CCSER1: variants seen among roughly 807,000 people sequenced by gnomAD.
CCSER1 encodes the protein serine-rich coiled-coil domain-containing protein 1.
In CCSER1, 41 loss-of-function variants were observed where a neutral mutation model predicts 82.0. That is an observed-to-expected ratio of 0.50 (90% confidence interval 0.39 to 0.65). The LOEUF is 0.65. Among genes scored for constraint, CCSER1 ranks in the 30% least tolerant of loss-of-function variants. The pLI, the probability that CCSER1 is intolerant of heterozygous loss-of-function variation, is 0.00. For synonymous variants in CCSER1, 414 were observed against 383.9 expected (o/e 1.08, Z -0.92); for missense variants, 1,119 against 1,064.2 (o/e 1.05, Z -0.72).
chr4:90,180,628 C>T (rs184872832), intron 1 of CCSER1, among the ~76,000 whole-genome samples: 2 of 152,022 alleles, frequency 1.3e-5, no homozygotes, highest in Non-Finnish European at 2.9e-5. Flanking sequence ...TAAAACTCTT[C>T]CCTCTGTGAC....
chr4:91,163,712 T>C (rs903499470), intron 10 of CCSER1, among the ~76,000 whole-genome samples: 1 of 152,186 alleles, frequency 6.6e-6, no homozygotes, highest in Non-Finnish European at 1.5e-5. Flanking sequence ...TTTTGATCTT[T>C]GTTGGTTTAA....
At chr4:90,974,339 CATATCTCAAAACATTACATT>C (rs1311104277) in intron 9 of CCSER1, among the ~76,000 whole-genome samples, 3,135 of 150,862 alleles carry the variant, frequency 0.021, 123 homozygotes, top group African/African-American at 0.068. Flanking sequence ...ACATTGTATA[CATATCTCAAAACATTACATT>C]GTATACATAT....
chr4:90,147,142 A>G (rs28433388), intron 1 of CCSER1, among the ~76,000 whole-genome samples: 1 of 150,586 alleles, frequency 6.6e-6, no homozygotes, highest in African/African-American at 2.4e-5. Context: ...AATGCTTTCC[A>G]TGTGTAAGAC....
rs570814597 is a variant in CCSER1 at position 90,362,910 on chromosome 4, A to G, written c.1510-37126A>G. On this transcript the variant is annotated intron_variant, in intron 3 of 10. Transcript: ENST00000509176. ...TTGTGTGAGTACATTTATTTTGTCA[A>G]TCTGTAGACTTACAGATTTGCTCTT... Among the ~76,000 whole-genome samples, 499 of 152,248 alleles carry G rather than the reference A, an allele frequency of 3.3e-3. 5 individuals carry two copies. Among genetic ancestry groups the G allele is most frequent in the Middle Eastern group, 0.014 (4 of 294 alleles).
chr4:91,504,677 T>C (rs1159916172), intron 10 of CCSER1, among the ~76,000 whole-genome samples: 1 of 151,952 alleles, frequency 6.6e-6, no homozygotes, highest in Non-Finnish European at 1.5e-5. Flanking sequence ...CACATTTTTA[T>C]TTCAAAAGTC....
chr4:90,894,159 T>C (rs1438373198), intron 8 of CCSER1, among the ~76,000 whole-genome samples: 1 of 152,056 alleles, frequency 6.6e-6, no homozygotes, highest in Non-Finnish European at 1.5e-5. Flanking sequence ...AATGCACCAA[T>C]TTAAAACGTA....
At chr4:90,206,781 A>ATTGACAGTGGGATG (rs200749504) in intron 1 of CCSER1, among the ~76,000 whole-genome samples, 4 of 123,032 alleles carry the variant, frequency 3.3e-5, no homozygotes, top group Admixed American at 3.2e-4. Flanking sequence ...TCTGTCTAAT[A>ATTGACAGTGGGATG]TTAAAGTCTC....
chr4:91,566,475 C>T (rs183309450), intron 10 of CCSER1, among the ~76,000 whole-genome samples: 77 of 152,238 alleles, frequency 5.1e-4, no homozygotes, highest in African/African-American at 1.8e-3. Context: ...ACTACCTCTT[C>T]TTTGAGCATC....
chr4:90,467,062 TCA>T (rs1763737367), intron 4 of CCSER1, among the ~76,000 whole-genome samples: 1 of 152,118 alleles, frequency 6.6e-6, no homozygotes, highest in Non-Finnish European at 1.5e-5. Flanking sequence ...AATCTTATAA[TCA>T]CACATTGAAT....
intron 10 of CCSER1, among the ~76,000 whole-genome samples, chr4:91,114,224 C>A (rs1435604969): frequency 6.6e-6 from 1 of 152,138 alleles, no homozygotes; most frequent in East Asian, 1.9e-4. Flanking sequence ...TACCTCCAAG[C>A]AGCTTATAAG....
intron 6 of CCSER1, chr4:90,649,666 G>C (rs1389518396): frequency 6.6e-6 from 1 of 152,194 alleles, no homozygotes; most frequent in African/African-American, 2.4e-5. Flanking sequence ...TCAGTTTATA[G>C]TATTTTGTTA....
chr4:90,473,115 T>G (rs571347687), intron 5 of CCSER1, among the ~76,000 whole-genome samples: 10 of 152,302 alleles, frequency 6.6e-5, no homozygotes, highest in African/African-American at 2.4e-4. Context: ...TCAAGTCAGT[T>G]CTATGTAAAT....
At chr4:91,034,752 G>A (rs564585329) in intron 9 of CCSER1, among the ~76,000 whole-genome samples, 1 of 152,170 alleles carries the variant, frequency 6.6e-6, no homozygotes, top group South Asian at 2.1e-4. Flanking sequence ...TAAAGGATGA[G>A]GAAAACAAGT....
intron 9 of CCSER1, among the ~76,000 whole-genome samples, chr4:91,055,920 A>C (rs2148721277): frequency 6.6e-6 from 1 of 151,584 alleles, no homozygotes; most frequent in East Asian, 2.0e-4. Context: ...CAATAATTTC[A>C]ATGGTCCTGT....
intron 4 of CCSER1, among the ~76,000 whole-genome samples, chr4:90,436,069 T>C (rs1758955217): frequency 6.6e-6 from 1 of 152,050 alleles, no homozygotes; most frequent in Admixed American, 6.6e-5. Context: ...TACTAGAAAA[T>C]TATGTTTCAC....
chr4:91,044,688 C>T (rs1028088468), intron 9 of CCSER1, among the ~76,000 whole-genome samples: 5 of 152,298 alleles, frequency 3.3e-5, no homozygotes, highest in Middle Eastern at 6.8e-3. Flanking sequence ...TACTTTACCT[C>T]ATCTCCCAAC....
intron 8 of CCSER1, among the ~76,000 whole-genome samples, chr4:90,858,322 C>T (rs922136497): frequency 6.6e-6 from 1 of 151,970 alleles, no homozygotes; most frequent in Non-Finnish European, 1.5e-5. Context: ...CATCACAAAT[C>T]GCTTAAGTAA....
At chr4:91,485,831 T>G (rs1300459704) in intron 10 of CCSER1, among the ~76,000 whole-genome samples, 2 of 152,080 alleles carry the variant, frequency 1.3e-5, no homozygotes, top group African/African-American at 4.8e-5. Context: ...CAACAATGAT[T>G]TAAATCCTTT....
chr4:90,321,965 G>A (rs925200572), intron 3 of CCSER1, among the ~76,000 whole-genome samples: 2 of 151,970 alleles, frequency 1.3e-5, no homozygotes, highest in African/African-American at 2.4e-5. Context: ...TTCCTTTGCT[G>A]TGCAGAAGCT....
Sources: gnomAD v4.1 joint callset for allele counts (sites outside exome capture counted in the v4.1 genomes callset) on GRCh38, gnomAD v4.1.1 for gene constraint, MANE v1.5 for transcripts, NCBI Gene and HGNC (gene_info 2026-07-23, HGNC 2026-07-21) for gene names.